Variants in TMEM108 observed in about 807,000 individuals in gnomAD.
The protein encoded by TMEM108 is cancer/testis antigen 124.
Under a neutral mutation model 35.1 loss-of-function variants are expected in TMEM108, and 12 were observed. The ratio of observed to expected loss-of-function variants is 0.34; its 90% CI spans 0.22 to 0.55. The LOEUF is 0.55. Ranked by LOEUF, TMEM108 falls within the 20% of genes least tolerant of loss-of-function variation. The pLI, the probability that TMEM108 is intolerant of heterozygous loss-of-function variation, is 0.89. For synonymous variants in TMEM108, 287 were observed against 308.6 expected (o/e 0.93, Z 0.73); for missense variants, 680 against 753.3 (o/e 0.90, Z 1.14).
At chr3:133,163,983 G>A (rs1458801913) in intron 2 of TMEM108, among the ~76,000 whole-genome samples, 1 of 152,106 alleles carries the variant, frequency 6.6e-6, no homozygotes, top group Non-Finnish European at 1.5e-5. Flanking sequence ...TCCGAGCTAG[G>A]ATCTTGCCTA....
intron 2 of TMEM108, among the ~76,000 whole-genome samples, chr3:133,215,694 A>G (rs1945897717): frequency 1.3e-5 from 2 of 151,826 alleles, no homozygotes. Flanking sequence ...CTTTTTCCTT[A>G]TTGCTTTAGA....
At chr3:133,040,313 C>G (rs1345227717) in intron 1 of TMEM108, among the ~76,000 whole-genome samples, 1 of 150,614 alleles carries the variant, frequency 6.6e-6, no homozygotes, top group Non-Finnish European at 1.5e-5. Flanking sequence ...AAACGATTCT[C>G]CTGCCTCAGC....
At chr3:133,202,553 C>T (rs1361434207) in intron 2 of TMEM108, among the ~76,000 whole-genome samples, 1 of 152,124 alleles carries the variant, frequency 6.6e-6, no homozygotes, top group African/African-American at 2.4e-5. Flanking sequence ...ATAGGGAATT[C>T]TTTCCCTATT....
chr3:133,282,201 T>C (rs193254863), intron 3 of TMEM108, among the ~76,000 whole-genome samples: 8 of 152,334 alleles, frequency 5.3e-5, no homozygotes, highest in African/African-American at 1.9e-4. Flanking sequence ...CAAAAGAGTA[T>C]TTTTAGAAAA....
At chr3:133,287,988 A>G (rs1947008865) in intron 3 of TMEM108, among the ~76,000 whole-genome samples, 2 of 152,232 alleles carry the variant, frequency 1.3e-5, no homozygotes, top group Non-Finnish European at 2.9e-5. Flanking sequence ...GTTCAGCATG[A>G]TGGACCTGGA....
At chr3:133,169,012 G>A (rs1224260400) in intron 2 of TMEM108, among the ~76,000 whole-genome samples, 1 of 152,172 alleles carries the variant, frequency 6.6e-6, no homozygotes, top group African/African-American at 2.4e-5. Context: ...CCGAACATCA[G>A]AAGGAGCAAA....
intron 3 of TMEM108, among the ~76,000 whole-genome samples, chr3:133,313,763 C>T (rs769029293): frequency 2.6e-5 from 4 of 152,048 alleles, no homozygotes; most frequent in East Asian, 1.9e-4. Context: ...GTAAGTCCTC[C>T]GACTTCTTTT....
chr3:133,359,479 G>A (rs912969192), intron 3 of TMEM108, among the ~76,000 whole-genome samples: 6 of 152,248 alleles, frequency 3.9e-5, no homozygotes, highest in Admixed American at 2.6e-4. Context: ...AAAACAAGGT[G>A]TGTCCAGGAC....
At chr3:133,100,360 G>A (rs1173661658) in intron 2 of TMEM108, among the ~76,000 whole-genome samples, 1 of 152,212 alleles carries the variant, frequency 6.6e-6, no homozygotes, top group Non-Finnish European at 1.5e-5. Flanking sequence ...AGCATTTTGG[G>A]AGGCTGAGGT....
intron 3 of TMEM108, among the ~76,000 whole-genome samples, chr3:133,252,355 T>C (rs1015112816): frequency 3.3e-5 from 5 of 152,140 alleles, no homozygotes; most frequent in Non-Finnish European, 7.4e-5. Context: ...GCTGTATAAA[T>C]TGTGTCCTCC....
At chr3:133,332,081 TGCAC>T (rs2071401400) in intron 3 of TMEM108, among the ~76,000 whole-genome samples, 1 of 52,528 alleles carries the variant, frequency 1.9e-5, no homozygotes, top group Non-Finnish European at 4.4e-5. Context: ...CGTGCGCACG[TGCAC>T]ACACACACAC....
At chr3:133,267,742 T>C (rs1946719019) in intron 3 of TMEM108, among the ~76,000 whole-genome samples, 1 of 152,212 alleles carries the variant, frequency 6.6e-6, no homozygotes, top group South Asian at 2.1e-4. Context: ...TTCTAAAATC[T>C]TTTACTCATG....
intron 3 of TMEM108, among the ~76,000 whole-genome samples, chr3:133,369,602 A>G (rs778009694): frequency 6.6e-6 from 1 of 152,206 alleles, no homozygotes; most frequent in Non-Finnish European, 1.5e-5. Flanking sequence ...ACTTTGAATT[A>G]GAATGTTTAA....
chr3:133,375,573 A>T (rs1400182155), intron 3 of TMEM108, among the ~76,000 whole-genome samples: 1 of 152,164 alleles, frequency 6.6e-6, no homozygotes, highest in African/African-American at 2.4e-5. Context: ...GAAAATTTGC[A>T]TGTGTTAGGG....
chr3:133,245,792 A>C (rs1559880624), intron 3 of TMEM108, among the ~76,000 whole-genome samples: 1 of 152,248 alleles, frequency 6.6e-6, no homozygotes, highest in Admixed American at 6.5e-5. Context: ...TGGACATAGA[A>C]CACAAGGCAC....
chr3:133,069,934 C>A (rs186044413), intron 2 of TMEM108, among the ~76,000 whole-genome samples: 5 of 152,262 alleles, frequency 3.3e-5, no homozygotes, highest in Non-Finnish European at 7.4e-5. Context: ...TTTTTATTCA[C>A]TATTTTTACT....
chr3:133,306,594 C>T (rs145512943), intron 3 of TMEM108, among the ~76,000 whole-genome samples: 1,951 of 152,212 alleles, frequency 0.013, 17 homozygotes, highest in South Asian at 0.024. Context: ...TCAGTTCCCA[C>T]GTATGAGTGA....
chr3:133,056,098 CT>C (rs1943462123), intron 2 of TMEM108, among the ~76,000 whole-genome samples: 1 of 125,424 alleles, frequency 8.0e-6, no homozygotes, highest in Non-Finnish European at 1.7e-5. Context: ...TCTTTAGTCT[CT>C]TTGCCTCAAT....
At chr3:133,261,297 A>G (rs766220552) in intron 3 of TMEM108, among the ~76,000 whole-genome samples, 5 of 152,226 alleles carry the variant, frequency 3.3e-5, no homozygotes, top group Non-Finnish European at 5.9e-5. Flanking sequence ...CCATGAAGTC[A>G]CACCTTTGGA....
Sources: allele counts gnomAD v4.1 joint callset (sites outside exome capture counted in the v4.1 genomes callset), GRCh38; gene constraint gnomAD v4.1.1; transcripts MANE v1.5; gene names NCBI Gene and HGNC (gene_info 2026-07-23, HGNC 2026-07-21).